The following SUGCT variants were observed in gnomAD, a reference collection of about 807,000 sequenced individuals.
SUGCT encodes the protein succinyl-CoA:glutarate-CoA transferase, also known as succinyl-CoA:glutarate CoA-transferase.
Under a neutral mutation model 55.0 loss-of-function variants are expected in SUGCT, and 41 were observed. The observed-to-expected ratio is 0.74, with a 90% CI of 0.58 to 0.97. The LOEUF is 0.97. Among genes scored for constraint, SUGCT ranks in the 50% least tolerant of loss-of-function variants. The pLI is 0.00. For missense variants in SUGCT, 568 were observed against 547.8 expected (o/e 1.04, Z -0.37); for synonymous variants, 187 against 200.4 (o/e 0.93, Z 0.56).
the SUGCT span, among the ~76,000 whole-genome samples, chr7:40,982,464 T>C: frequency 6.6e-6 from 1 of 152,164 alleles, no homozygotes; most frequent in African/African-American, 2.4e-5. Flanking sequence ...CTGCTCAGGC[T>C]GTCATAATGA....
At chr7:40,250,349 G>T (rs184888074) in intron 7 of SUGCT, among the ~76,000 whole-genome samples, 58 of 151,774 alleles carry the variant, frequency 3.8e-4, no homozygotes, top group African/African-American at 1.3e-3. Flanking sequence ...GCAGTGAACC[G>T]AGATAGTGCT....
intron 9 of SUGCT, among the ~76,000 whole-genome samples, chr7:40,350,986 C>A (rs1583487010): frequency 6.6e-6 from 1 of 152,212 alleles, no homozygotes; most frequent in Admixed American, 6.5e-5. Context: ...TTTATGGCTG[C>A]AAAGTATTCC....
At chr7:40,138,768 T>A (rs1044772861) in intron 1 of SUGCT, among the ~76,000 whole-genome samples, 1 of 152,192 alleles carries the variant, frequency 6.6e-6, no homozygotes, top group African/African-American at 2.4e-5. Context: ...TGAACATTTT[T>A]TAAAAATTTT....
chr7:40,143,924 A>G (rs750818556), intron 1 of SUGCT, among the ~76,000 whole-genome samples: 5 of 152,226 alleles, frequency 3.3e-5, no homozygotes, highest in Non-Finnish European at 7.3e-5. Flanking sequence ...CTGTATTGGA[A>G]TGCACTGGTT....
intron 9 of SUGCT, among the ~76,000 whole-genome samples, chr7:40,373,504 T>C (rs996969565): frequency 3.3e-5 from 5 of 151,938 alleles, no homozygotes; most frequent in African/African-American, 1.2e-4. Flanking sequence ...GGGTACTCAT[T>C]TGACATGTGA....
rs1785208673 is a variant in SUGCT, at chr7:40,181,543, A to C, written c.153-412A>C. 3.3e-5 allele frequency among the ~76,000 whole-genome samples: 5 copies of C among 152,160 alleles called. No homozygotes were observed. The South Asian group carries it at 1.0e-3, about 32-fold the overall frequency. On this transcript the variant is annotated intron_variant, in intron 2 of 13. Transcript: ENST00000335693. The stretch of plus-strand genomic sequence containing the variant: ...GGCGGATCATGAGGTCAGGAGATCG[A>C]GACCATCCTGGCTAACACGGTGAAA...
At chr7:40,677,835 A>C (rs1784070396) in intron 12 of SUGCT, among the ~76,000 whole-genome samples, 1 of 152,204 alleles carries the variant, frequency 6.6e-6, no homozygotes, top group South Asian at 2.1e-4. Flanking sequence ...CTTATTTTTC[A>C]CAGTTTCTGT....
chr7:40,167,928 T>C (rs1447479302), intron 1 of SUGCT, among the ~76,000 whole-genome samples: 3 of 152,012 alleles, frequency 2.0e-5, no homozygotes, highest in Non-Finnish European at 1.5e-5. Context: ...AAAACAGAGC[T>C]CTCATACAAT....
chr7:40,274,767 C>T, intron 8 of SUGCT, 111 bp downstream of exon 8: 1 of 964,760 alleles, frequency 1.0e-6, no homozygotes. Context: ...AAAACCAACA[C>T]AACAACACTG....
At chr7:40,245,404 C>CACACATATAT (rs1252155153) in intron 7 of SUGCT, among the ~76,000 whole-genome samples, 14 of 53,320 alleles carry the variant, frequency 2.6e-4, no homozygotes, top group Middle Eastern at 0.012. Flanking sequence ...ACGTAGTAGA[C>CACACATATAT]ATATATATAT....
In SUGCT at chr7:40,529,438, G is replaced by T. The variant is rs186410878; in HGVS notation, c.1089+33052G>T. ...AGTAGTGGAGGATGCAGAATGCAGAGAACTCACCAACAGGTGCAGTGGCAA... is the reference window on the plus strand; with the variant it reads ...AGTAGTGGAGGATGCAGAATGCAGATAACTCACCAACAGGTGCAGTGGCAA... On this transcript the variant is annotated intron_variant, in intron 12 of 13. Transcript: ENST00000335693. 3.8e-3 allele frequency among the ~76,000 whole-genome samples: 580 copies of T among 152,324 alleles called. 3 individuals are homozygous for T. Among genetic ancestry groups the T allele is most frequent in the African/African-American group, 0.013 (551 of 41,574 alleles).
the SUGCT span, among the ~76,000 whole-genome samples, chr7:41,019,854 TAA>T: frequency 6.6e-6 from 1 of 152,192 alleles, no homozygotes; most frequent in Admixed American, 6.5e-5. Context: ...AAAAAAGTCT[TAA>T]GAAATATTTC....
At chr7:40,843,719 G>A (rs370805074) in intron 13 of SUGCT, among the ~76,000 whole-genome samples, 1 of 152,106 alleles carries the variant, frequency 6.6e-6, no homozygotes, top group South Asian at 2.1e-4. Context: ...CAGTGCAAGA[G>A]AGGAAGGCAC....
intron 12 of SUGCT, among the ~76,000 whole-genome samples, chr7:40,628,727 C>CTGTGTG (rs111460243): frequency 6.8e-5 from 10 of 147,616 alleles, no homozygotes; most frequent in South Asian, 4.3e-4. Flanking sequence ...GTGTTTTGTT[C>CTGTGTG]TGTGTGTGTG....
intron 12 of SUGCT, among the ~76,000 whole-genome samples, chr7:40,600,712 T>A (rs1050984348): frequency 6.7e-6 from 1 of 149,854 alleles, no homozygotes; most frequent in Admixed American, 6.6e-5. Context: ...TTCTGAAGAA[T>A]CAAGGTAGAG....
chr7:40,954,375 G>T, the SUGCT span, among the ~76,000 whole-genome samples: 1 of 152,292 alleles, frequency 6.6e-6, no homozygotes, highest in East Asian at 1.9e-4. Flanking sequence ...CTAGGAAAGG[G>T]AATTTCCTGA....
chr7:40,624,889 T>G (rs1225169549), intron 12 of SUGCT, among the ~76,000 whole-genome samples: 1 of 152,032 alleles, frequency 6.6e-6, no homozygotes, highest in Non-Finnish European at 1.5e-5. Flanking sequence ...AATGTTTCAT[T>G]TGAAGAGTTT....
intron 9 of SUGCT, among the ~76,000 whole-genome samples, chr7:40,447,507 A>C (rs1404115657): frequency 2.0e-5 from 3 of 152,092 alleles, no homozygotes; most frequent in Admixed American, 6.6e-5. Context: ...TCCCGATGAC[A>C]GAGGTCACTA....
intron 12 of SUGCT, among the ~76,000 whole-genome samples, chr7:40,626,020 A>G (rs79038577): frequency 0.015 from 2,254 of 152,258 alleles, 22 homozygotes; most frequent in Middle Eastern, 0.044. Context: ...AAGTTAAGCA[A>G]TTTACCCAAA....
Sources: gnomAD v4.1 joint callset for allele counts (sites outside exome capture counted in the v4.1 genomes callset) on GRCh38, gnomAD v4.1.1 for gene constraint, MANE v1.5 for transcripts, NCBI Gene and HGNC (gene_info 2026-07-23, HGNC 2026-07-21) for gene names.